EHBP1: variants seen among roughly 807,000 people sequenced by gnomAD.
The protein encoded by EHBP1 is EH domain binding protein 1, also known as EH domain-binding protein 1.
Under a neutral mutation model 144.0 loss-of-function variants are expected in EHBP1, and 55 were observed. The ratio of observed to expected loss-of-function variants is 0.38; its 90% CI spans 0.31 to 0.48. The LOEUF (loss-of-function observed/expected upper bound fraction) is 0.48, where lower values mean the gene tolerates loss of function less well. EHBP1 is among the 20% of genes least tolerant of loss of function. The pLI, the probability that EHBP1 is intolerant of heterozygous loss-of-function variation, is 0.98. For missense variants in EHBP1, 1,200 were observed against 1,364.2 expected, an observed-to-expected ratio of 0.88 and a Z score of 1.90; for synonymous variants, 469 against 472.7, an observed-to-expected ratio of 0.99 and a Z score of 0.10.
intron 5 of EHBP1, among the ~76,000 whole-genome samples, chr2:62,816,061 A>G (rs1226172314): frequency 6.6e-6 from 1 of 152,222 alleles, no homozygotes; most frequent in Non-Finnish European, 1.5e-5. Context: ...AAAATCAAAT[A>G]CGAAGACTTG....
chr2:63,006,964 A>G (rs1246056588), intron 19 of EHBP1, among the ~76,000 whole-genome samples: 1 of 151,928 alleles, frequency 6.6e-6, no homozygotes, highest in African/African-American at 2.4e-5. Flanking sequence ...AGCATAGAAT[A>G]CATTTATTGC....
In EHBP1 at chr2:62,979,276, T is replaced by G; in HGVS notation, c.2549T>G (p.Leu850Arg). ...CGATCTGGAGTGAAGATGTCAGAAC[T>G]TCCCAGCTATGGTGAAATGGCTGCA... ...EARSGVKMSE[L>R]PSYGEMAAEK... Residue 850 changes from leucine to arginine, a missense_variant, in exon 15 of 23, where the codon CTT (leucine) becomes CGT (arginine). Physicochemically the swap from Leu to Arg is moderately radical, Grantham distance 102. Around this residue, in one of 6 missense-constraint regions of EHBP1, gnomAD observed 543 missense variants for 513.1 expected, o/e 1.06. Coordinates refer to ENST00000431489, the MANE Select transcript of EHBP1 (RefSeq NM_001142616.3). 6.2e-7 allele frequency: 1 copy of G among 1,613,956 alleles called. No homozygotes were observed. Among genetic ancestry groups the G allele is most frequent in the Non-Finnish European group, 8.5e-7 (1 of 1,179,896 alleles).
At chr2:62,961,691 T>C (rs558518456) in intron 14 of EHBP1, among the ~76,000 whole-genome samples, 2 of 152,204 alleles carry the variant, frequency 1.3e-5, no homozygotes, top group Non-Finnish European at 2.9e-5. Flanking sequence ...AATATTTCTT[T>C]TTTTATTATT....
Position 63,045,570 on chromosome 2 carries a change from C to A in EHBP1, c.*70C>A. 1 of 1,289,544 alleles carries A rather than the reference C, an allele frequency of 7.8e-7. No homozygotes were observed. The highest frequency in any genetic ancestry group is 1.1e-6 in the Non-Finnish European group (1 of 908,762). The allele number at this position is 1,289,544 out of a possible 1,614,324, so 79.9% of individuals were successfully genotyped here. ...TTCCCAAACCAGAAAAAGTCAGACTCATTGTTGATTTAAAACTTTTAACAT... is the reference window on the plus strand; with the variant it reads ...TTCCCAAACCAGAAAAAGTCAGACTAATTGTTGATTTAAAACTTTTAACAT... On this transcript the variant is annotated 3_prime_UTR_variant, in exon 23 of 23. Transcript: ENST00000431489. The surrounding 1 kb of genome is among the most constrained non-coding windows in gnomAD (Gnocchi z 5.7).
At chr2:62,909,924 A>T (rs773102614) in intron 10 of EHBP1, among the ~76,000 whole-genome samples, 2 of 151,810 alleles carry the variant, frequency 1.3e-5, no homozygotes, top group Non-Finnish European at 2.9e-5. Flanking sequence ...CACCCAGCAA[A>T]TTTTTTTAAC....
At chr2:62,889,363 T>C (rs2052240409) in intron 10 of EHBP1, among the ~76,000 whole-genome samples, 1 of 151,976 alleles carries the variant, frequency 6.6e-6, no homozygotes, top group Admixed American at 6.6e-5. Flanking sequence ...GTTTACTCTA[T>C]TGATAGTTTC....
intron 1 of EHBP1, among the ~76,000 whole-genome samples, chr2:62,697,943 C>T (rs1053248761): frequency 6.6e-6 from 1 of 152,206 alleles, no homozygotes. Context: ...CCATTATACA[C>T]GCTGTGCAGC....
intron 5 of EHBP1, among the ~76,000 whole-genome samples, chr2:62,801,289 G>C (rs112956613): frequency 1.3e-5 from 2 of 152,196 alleles, no homozygotes; most frequent in Non-Finnish European, 2.9e-5. Context: ...GAGTATAGCC[G>C]TCTGATACAG....
chr2:62,730,248 G>A (rs1007663695), intron 2 of EHBP1, among the ~76,000 whole-genome samples: 1 of 151,630 alleles, frequency 6.6e-6, no homozygotes, highest in Non-Finnish European at 1.5e-5. Context: ...CACCGTTATA[G>A]TATCATACAG....
At chr2:62,751,441 TTC>T (rs2039708404) in intron 3 of EHBP1, among the ~76,000 whole-genome samples, 2 of 152,192 alleles carry the variant, frequency 1.3e-5, no homozygotes, top group Admixed American at 6.5e-5. Flanking sequence ...TGGTCCAAAA[TTC>T]TCTTTTTTTG....
rs2046401977 is a variant in EHBP1, at chr2:62,827,214, ATAACAG to A, written c.494+950_494+955del. Among the ~76,000 whole-genome samples the A allele has an allele frequency of 2.0e-5, 3 of 152,250 alleles. No homozygotes were observed. In the South Asian group the frequency reaches 6.2e-4, roughly 31 times the overall value. On this transcript the variant is annotated intron_variant, in intron 6 of 22. Transcript: ENST00000431489. ...TACATGGCAACACATGACTTGTGAG[ATAACAG>A]TAAGCCTCCTCTCTGGCAAGTTGGA...
upstream of EHBP1, among the ~76,000 whole-genome samples, chr2:62,705,394 G>A (rs2034449210): frequency 6.6e-6 from 1 of 151,932 alleles, no homozygotes; most frequent in Admixed American, 6.6e-5. Flanking sequence ...CAATCACCTT[G>A]CAGTTCACTA....
At chr2:62,851,957 A>C (rs1210211353) in intron 7 of EHBP1, among the ~76,000 whole-genome samples, 1 of 152,198 alleles carries the variant, frequency 6.6e-6, no homozygotes, top group Non-Finnish European at 1.5e-5. Context: ...CATGATGATG[A>C]GGAAGACATA....
At chr2:62,813,987 A>G (rs1193052731) in intron 5 of EHBP1, among the ~76,000 whole-genome samples, 3 of 152,162 alleles carry the variant, frequency 2.0e-5, no homozygotes, top group East Asian at 3.9e-4. Context: ...GGACTTTTGA[A>G]TTAGTGCTGG....
intron 7 of EHBP1, among the ~76,000 whole-genome samples, chr2:62,834,061 C>G (rs1276965261): frequency 2.6e-5 from 4 of 152,186 alleles, no homozygotes; most frequent in Non-Finnish European, 5.9e-5. Context: ...AAAGATGTAA[C>G]TGAATTGCTG....
At chr2:63,020,980 A>AT (rs761382729) in intron 19 of EHBP1, among the ~76,000 whole-genome samples, 35,240 of 68,582 alleles carry the variant, frequency 0.51, 12,616 homozygotes, top group East Asian at 0.65. Flanking sequence ...GCCTGGCCTC[A>AT]TTTTTTTTTT....
At chr2:62,940,893 T>G (rs541130571) in intron 10 of EHBP1, among the ~76,000 whole-genome samples, 13 of 152,316 alleles carry the variant, frequency 8.5e-5, no homozygotes, top group African/African-American at 3.1e-4. Flanking sequence ...ATCATAATGA[T>G]GTAATATGTT....
intron 10 of EHBP1, among the ~76,000 whole-genome samples, chr2:62,928,646 C>T (rs1357532873): frequency 6.6e-6 from 1 of 151,830 alleles, no homozygotes; most frequent in Non-Finnish European, 1.5e-5. Context: ...AATTCAGCTA[C>T]CTAATGTTAC....
At chr2:63,020,870 G>A (rs1005555202) in intron 19 of EHBP1, among the ~76,000 whole-genome samples, 1 of 151,078 alleles carries the variant, frequency 6.6e-6, no homozygotes. Context: ...GTAGAGACAG[G>A]TTTCACCATG....
Sources: allele counts gnomAD v4.1 joint callset (sites outside exome capture counted in the v4.1 genomes callset), GRCh38; gene constraint gnomAD v4.1.1; regional missense constraint gnomAD v4.1.1; non-coding constraint Gnocchi (gnomAD v3.1); transcripts MANE v1.5; gene names NCBI Gene and HGNC (gene_info 2026-07-23, HGNC 2026-07-21).